Variants in COBL observed in about 807,000 individuals in gnomAD.
COBL encodes cordon-bleu WH2 repeat protein.
In COBL, 51 loss-of-function variants were observed where a neutral mutation model predicts 98.8. The observed-to-expected ratio is 0.52, with a 90% CI of 0.41 to 0.65. The LOEUF is 0.65. Ranked by LOEUF, COBL falls within the 30% of genes least tolerant of loss-of-function variation. COBL has a pLI of 0.00. For synonymous variants in COBL, 634 were observed against 651.7 expected (o/e 0.97, Z 0.41); for missense variants, 1,617 against 1,617.5 (o/e 1.00, Z 0.01).
chr7:51,074,191 A>ATTTTTT (rs369421469), intron 7 of COBL, among the ~76,000 whole-genome samples: 68 of 100,502 alleles, frequency 6.8e-4, no homozygotes, highest in Non-Finnish European at 7.7e-4. Flanking sequence ...CAAGGTAATG[A>ATTTTTT]TTTTTTTTTT....
chr7:51,192,679 C>A (rs1415841192), intron 3 of COBL, among the ~76,000 whole-genome samples: 2 of 152,230 alleles, frequency 1.3e-5, no homozygotes, highest in East Asian at 3.9e-4. Context: ...TAAACAAAAG[C>A]CTGGAATATA....
intron 5 of COBL, among the ~76,000 whole-genome samples, chr7:51,140,954 A>C (rs1799684423): frequency 6.6e-6 from 1 of 152,132 alleles, no homozygotes; most frequent in Non-Finnish European, 1.5e-5. Context: ...TCTTGAAGAT[A>C]TCCTCACAGA....
chr7:51,259,513 T>C (rs1797527135), intron 1 of COBL: 6 of 655,348 alleles, frequency 9.2e-6, no homozygotes, highest in Admixed American at 1.9e-5. Context: ...CCCACTCTAT[T>C]TGTGGTAGCA....
intron 1 of COBL, among the ~76,000 whole-genome samples, chr7:51,249,011 G>C (rs1482731845): frequency 1.3e-5 from 2 of 152,168 alleles, no homozygotes; most frequent in Non-Finnish European, 2.9e-5. Flanking sequence ...GACCCATTCT[G>C]AACATATCTT....
chr7:51,202,306 A>C (rs1791204736), intron 2 of COBL, among the ~76,000 whole-genome samples: 1 of 152,342 alleles, frequency 6.6e-6, no homozygotes, highest in South Asian at 2.1e-4. Flanking sequence ...TATTCATGCT[A>C]GTTTTGCAGT....
chr7:51,138,121 A>G (rs1419051520), intron 5 of COBL, among the ~76,000 whole-genome samples: 1 of 152,208 alleles, frequency 6.6e-6, no homozygotes, highest in Non-Finnish European at 1.5e-5. Flanking sequence ...CAGACACTGA[A>G]TATCAACGAT....
rs527330225 is a variant in COBL, at chr7:51,106,038, C to CAAAAA, written c.958-20739_958-20735dup. Among the ~76,000 whole-genome samples, 3 of 123,696 alleles carry CAAAAA rather than the reference C, an allele frequency of 2.4e-5. No homozygotes were observed. In the Admixed American group the frequency reaches 2.5e-4, roughly 10 times the overall value. The allele number at this position is 123,696 out of a possible 152,430, so 81.1% of individuals were successfully genotyped here. On this transcript the variant is annotated intron_variant, in intron 6 of 12. Transcript: ENST00000265136. The stretch of plus-strand genomic sequence containing the variant: ...TGAAACCCTGTCTCTACTAAAAATA[C>CAAAAA]AAAAAAAAAAAAAAAAATTGTCGGG...
At chr7:51,040,080 T>C (rs1423772294) in intron 8 of COBL, among the ~76,000 whole-genome samples, 2 of 152,158 alleles carry the variant, frequency 1.3e-5, no homozygotes, top group Non-Finnish European at 2.9e-5. Context: ...TGGGAGGCAC[T>C]GCTTTTAAGT....
chr7:51,269,414 G>A (rs373968259), intron 1 of COBL, among the ~76,000 whole-genome samples: 37 of 152,316 alleles, frequency 2.4e-4, no homozygotes, highest in African/African-American at 7.9e-4. Context: ...TTGTCATGCC[G>A]TGCTGCTGGT....
chr7:51,271,477 T>C (rs1253838356), intron 1 of COBL, among the ~76,000 whole-genome samples: 16 of 152,364 alleles, frequency 1.1e-4, no homozygotes, highest in South Asian at 2.1e-4. Flanking sequence ...CACGGTTAAC[T>C]GCTTTAATCC....
intron 6 of COBL, among the ~76,000 whole-genome samples, chr7:51,124,563 A>G (rs1798025842): frequency 6.6e-6 from 1 of 152,084 alleles, no homozygotes; most frequent in South Asian, 2.1e-4. Context: ...ATACAAACTA[A>G]TGTTGCTAGT....
At chr7:51,172,395 C>G in intron 5 of COBL, 2 of 1,076,644 alleles carry the variant, frequency 1.9e-6, no homozygotes, top group African/African-American at 1.6e-5. Context: ...TCTGGAAGGT[C>G]GCGCAAAGCA....
At chr7:51,103,775 G>A (rs1796018677) in intron 6 of COBL, among the ~76,000 whole-genome samples, 1 of 152,208 alleles carries the variant, frequency 6.6e-6, no homozygotes, top group Non-Finnish European at 1.5e-5. Flanking sequence ...AAAGTATAAA[G>A]TGGCATCTCA....
intron 6 of COBL, among the ~76,000 whole-genome samples, chr7:51,112,521 T>C (rs974230539): frequency 3.3e-5 from 5 of 152,204 alleles, no homozygotes; most frequent in African/African-American, 7.2e-5. Context: ...TGCAGATGCA[T>C]AGGTTACAAT....
intron 1 of COBL, among the ~76,000 whole-genome samples, chr7:51,261,141 C>G (rs779160560): frequency 2.0e-5 from 3 of 152,204 alleles, no homozygotes; most frequent in Non-Finnish European, 4.4e-5. Context: ...CAGTAGATGG[C>G]TTACTCCTCT....
intron 1 of COBL, among the ~76,000 whole-genome samples, chr7:51,252,952 G>A (rs1796860912): frequency 6.6e-6 from 1 of 152,166 alleles, no homozygotes; most frequent in Non-Finnish European, 1.5e-5. Flanking sequence ...GCCAGGCACA[G>A]TGGTTCACGC....
chr7:51,277,420 AGAC>A (rs907560098), intron 1 of COBL, among the ~76,000 whole-genome samples: 1 of 152,230 alleles, frequency 6.6e-6, no homozygotes, highest in Admixed American at 6.5e-5. Context: ...ATCTAGCTGA[AGAC>A]GACGTGGGAA....
rs150874100 is a variant in COBL at position 51,188,710 on chromosome 7, G to A, written c.685+2140C>T. 3.8e-3 allele frequency among the ~76,000 whole-genome samples: 586 copies of A among 152,306 alleles called. 4 individuals carry two copies. Among genetic ancestry groups the A allele is most frequent in the African/African-American group, 0.014 (563 of 41,572 alleles). ...CCAAATCTGAACGGCCAAGCTGACC[G>A]CACCGGCTTGTTCTGCTCTGTCCCA... On this transcript the variant is annotated intron_variant, in intron 4 of 12. Transcript: ENST00000265136.
chr7:51,097,529 T>A (rs1366146739), intron 6 of COBL, among the ~76,000 whole-genome samples: 1 of 152,214 alleles, frequency 6.6e-6, no homozygotes, highest in African/African-American at 2.4e-5. Flanking sequence ...TGCATATACA[T>A]GATTTTATAT....
Sources: allele counts gnomAD v4.1 joint callset (sites outside exome capture counted in the v4.1 genomes callset), GRCh38; gene constraint gnomAD v4.1.1; transcripts MANE v1.5; gene names NCBI Gene and HGNC (gene_info 2026-07-23, HGNC 2026-07-21).